Variants in SDC2 observed in about 807,000 individuals in gnomAD.
The protein encoded by SDC2 is syndecan 2, also known as syndecan-2.
In SDC2, 13 loss-of-function variants were observed where a neutral mutation model predicts 22.2. The observed-to-expected ratio is 0.59, with a 90% CI of 0.38 to 0.93. The LOEUF (loss-of-function observed/expected upper bound fraction) is 0.93, where lower values mean the gene tolerates loss of function less well. Ranked by LOEUF, SDC2 falls within the 40% of genes least tolerant of loss-of-function variation. SDC2 has a pLI of 0.00. For synonymous variants in SDC2, 94 were observed against 92.8 expected (o/e 1.01, Z -0.07); for missense variants, 235 against 246.8 (o/e 0.95, Z 0.32).
chr8:96,507,011 GAAAAA>G (rs3065030), intron 1 of SDC2, among the ~76,000 whole-genome samples: 1 of 111,412 alleles, frequency 9.0e-6, no homozygotes, highest in African/African-American at 3.2e-5. Flanking sequence ...TCTGTCTCAG[GAAAAA>G]AAAAAAAAAA....
At chr8:96,584,070 G>T (rs938099776) in intron 1 of SDC2, among the ~76,000 whole-genome samples, 3 of 152,208 alleles carry the variant, frequency 2.0e-5, no homozygotes, top group Non-Finnish European at 4.4e-5. Flanking sequence ...CAAAGGGTCT[G>T]TGCCAATTTC....
chr8:96,569,502 A>G (rs1814355805), intron 1 of SDC2, among the ~76,000 whole-genome samples: 1 of 152,172 alleles, frequency 6.6e-6, no homozygotes, highest in Non-Finnish European at 1.5e-5. Flanking sequence ...AAGCTCCTGT[A>G]AGAGCAAGAG....
intron 1 of SDC2, 97 bp downstream of exon 1, chr8:96,494,428 C>T: frequency 8.3e-7 from 1 of 1,205,476 alleles, no homozygotes; most frequent in Non-Finnish European, 1.2e-6. Context: ...TGGGGAACCC[C>T]CAGTCCCCAA....
At chr8:96,606,266 T>A (rs2704239) in intron 3 of SDC2, among the ~76,000 whole-genome samples, 3,915 of 144,080 alleles carry the variant, frequency 0.027, 149 homozygotes, top group African/African-American at 0.085. Flanking sequence ...TGGCTAATTT[T>A]AAAAATTTTT....
chr8:96,609,503 C>G lies in SDC2; in HGVS notation c.561C>G (p.Ser187=), dbSNP rs750135414. ...ATGACCTTGGAGAACGCAAACCATC[C>G]AGTGCTGCTTATCAGAAGGCACCTA... ...GSYDLGERKP[S]SAAYQKAPTK... is the part of the protein sequence containing the mutation. The change falls in exon 5 of 5, where the codon TCC becomes TCG. Residue 187 remains serine (S), a synonymous_variant. Transcript: ENST00000302190. The G allele has an allele frequency of 3.1e-6, 5 of 1,610,390 alleles. No homozygotes were observed. Among genetic ancestry groups the G allele is most frequent in the Non-Finnish European group, 4.2e-6 (5 of 1,178,134 alleles).
intron 1 of SDC2, among the ~76,000 whole-genome samples, chr8:96,527,745 A>C (rs752327092): frequency 9.2e-5 from 14 of 152,166 alleles, no homozygotes; most frequent in Admixed American, 3.3e-4. Context: ...GAATGTTTGG[A>C]ATGGAGTGCA....
chr8:96,501,302 T>C (rs928674756), intron 1 of SDC2, among the ~76,000 whole-genome samples: 101 of 126,396 alleles, frequency 8.0e-4, no homozygotes, highest in Non-Finnish European at 1.2e-3. Context: ...TTTCTTTTTT[T>C]TTTTTTTTTT....
chr8:96,559,823 C>T (rs1369123633), intron 1 of SDC2, among the ~76,000 whole-genome samples: 1 of 152,174 alleles, frequency 6.6e-6, no homozygotes, highest in Admixed American at 6.5e-5. Context: ...CCACTTACTA[C>T]TGAACTTCCT....
intron 1 of SDC2, among the ~76,000 whole-genome samples, chr8:96,541,690 AG>A (rs1216344489): frequency 1.1e-5 from 1 of 90,370 alleles, no homozygotes; most frequent in Non-Finnish European, 3.2e-5. Flanking sequence ...CCAGGGGCTG[AG>A]GGAGGGGGCA....
rs1236267155 is a variant in SDC2 at position 96,576,384 on chromosome 8, G to GTTTTTTT, written c.61-17093_61-17087dup. 1.8e-3 allele frequency among the ~76,000 whole-genome samples: 92 copies of GTTTTTTT among 50,990 alleles called. 2 individuals carry two copies. Among genetic ancestry groups the GTTTTTTT allele is most frequent in the South Asian group, 7.3e-3 (9 of 1,240 alleles). The allele number at this position is 50,990 out of a possible 152,430, so 33.5% of individuals were successfully genotyped here. A position where few individuals can be genotyped will look rare whatever the true frequency, so the allele number is the denominator to read the frequency against. ...TGGTAGTTTGTTTTTGTTTTGTTTT[G>GTTTTTTT]TTTTTTTTTACCAGATTTGCTTTAT... On this transcript the variant is annotated intron_variant, in intron 1 of 4. Transcript: ENST00000302190.
At chr8:96,561,646 C>G (rs1199213426) in intron 1 of SDC2, among the ~76,000 whole-genome samples, 1 of 152,154 alleles carries the variant, frequency 6.6e-6, no homozygotes, top group African/African-American at 2.4e-5. Flanking sequence ...ATGTTCTTAC[C>G]ATGTCTAAAA....
intron 1 of SDC2, among the ~76,000 whole-genome samples, chr8:96,498,706 G>A (rs1395466571): frequency 6.6e-6 from 1 of 152,218 alleles, no homozygotes; most frequent in East Asian, 1.9e-4. Flanking sequence ...GGCCAGGCTG[G>A]TCTCCAACTC....
intron 1 of SDC2, among the ~76,000 whole-genome samples, chr8:96,553,561 C>T (rs943033085): frequency 3.3e-5 from 5 of 151,354 alleles, no homozygotes; most frequent in African/African-American, 1.2e-4. Flanking sequence ...AAACTTATAC[C>T]AACACTAGTT....
intron 1 of SDC2, among the ~76,000 whole-genome samples, chr8:96,503,002 C>T (rs1446315379): frequency 1.3e-5 from 2 of 152,070 alleles, no homozygotes; most frequent in African/African-American, 4.8e-5. Flanking sequence ...ATAACAGGGG[C>T]TTTCTTCTTG....
chr8:96,501,551 G>A lies in SDC2; in HGVS notation c.60+7220G>A, dbSNP rs188010295. On this transcript the variant is annotated intron_variant, in intron 1 of 4. Coordinates refer to ENST00000302190, the MANE Select transcript of SDC2 (RefSeq NM_002998.4). ...TTGAACTCTTGACCTCAACTGATCCGCCTGCCTCAGCCTCCCAAAGTGCTG... is the reference window on the plus strand; with the variant it reads ...TTGAACTCTTGACCTCAACTGATCCACCTGCCTCAGCCTCCCAAAGTGCTG... Among the ~76,000 whole-genome samples the A allele has an allele frequency of 3.6e-3, 551 of 151,914 alleles. 2 individuals carry two copies. Among genetic ancestry groups the A allele is most frequent in the Admixed American group, 5.9e-3 (90 of 15,262 alleles).
chr8:96,506,640 T>TTTG (rs1015138572), intron 1 of SDC2, among the ~76,000 whole-genome samples: 4 of 151,940 alleles, frequency 2.6e-5, no homozygotes, highest in Admixed American at 2.6e-4. Context: ...TGGCTGAGTT[T>TTTG]TTGTTGTTGT....
chr8:96,549,374 T>C (rs927975852), intron 1 of SDC2, among the ~76,000 whole-genome samples: 2 of 152,160 alleles, frequency 1.3e-5, no homozygotes, highest in Admixed American at 6.6e-5. Context: ...ATGTGAAGTA[T>C]AGAATAGGTG....
At chr8:96,495,754 T>C (rs1813064760) in intron 1 of SDC2, among the ~76,000 whole-genome samples, 1 of 152,102 alleles carries the variant, frequency 6.6e-6, no homozygotes, top group Non-Finnish European at 1.5e-5. Context: ...TTTTAATCAG[T>C]GTGGGAGCCT....
At chr8:96,582,514 T>G (rs1265314695) in intron 1 of SDC2, among the ~76,000 whole-genome samples, 4 of 152,242 alleles carry the variant, frequency 2.6e-5, no homozygotes, top group Admixed American at 6.5e-5. Context: ...AGAGAGTCTT[T>G]GAAAGTGCTG....
Sources: allele counts gnomAD v4.1 joint callset (sites outside exome capture counted in the v4.1 genomes callset), GRCh38; gene constraint gnomAD v4.1.1; transcripts MANE v1.5; gene names NCBI Gene and HGNC (gene_info 2026-07-23, HGNC 2026-07-21).